The following PDE4D variants were observed in gnomAD, a reference collection of about 807,000 sequenced individuals.
The protein encoded by PDE4D is 3',5'-cyclic-AMP phosphodiesterase 4D.
A neutral mutation model predicts 87.4 loss-of-function variants in PDE4D; 24 were observed. The observed-to-expected ratio is 0.27, with a 90% CI of 0.20 to 0.39. The LOEUF is 0.39. PDE4D is among the 10% of genes least tolerant of loss of function. PDE4D has a pLI of 1.00. For synonymous variants in PDE4D, 384 were observed against 383.2 expected, an observed-to-expected ratio of 1.00 and a Z score of -0.02; for missense variants, 714 against 1,041.0, an observed-to-expected ratio of 0.69 and a Z score of 4.32.
At chr5:59,484,786 G>C (rs1034082628) in intron 1 of PDE4D, among the ~76,000 whole-genome samples, 1 of 152,188 alleles carries the variant, frequency 6.6e-6, no homozygotes, top group Non-Finnish European at 1.5e-5. Context: ...GACAGTAACT[G>C]TCTGGCTCTA....
intron 1 of PDE4D, among the ~76,000 whole-genome samples, chr5:60,237,779 A>G (rs973780860): frequency 2.6e-5 from 4 of 152,102 alleles, no homozygotes; most frequent in African/African-American, 7.2e-5. Context: ...TGTCAAATTC[A>G]TGACTATAAT....
Position 59,520,867 on chromosome 5 carries a change from A to T in PDE4D, c.456-304899T>A, listed in dbSNP as rs532303243. On this transcript the variant is annotated intron_variant, in intron 1 of 14. Transcript: ENST00000340635. ...ATGGAATATGTATATGCACACATACACACACACATATACATATATACACAT... is the reference window on the plus strand; with the variant it reads ...ATGGAATATGTATATGCACACATACTCACACACATATACATATATACACAT... Among the ~76,000 whole-genome samples the T allele has an allele frequency of 1.2e-3, 185 of 149,302 alleles. 1 individual carries two copies. Among genetic ancestry groups the T allele is most frequent in the South Asian group, 9.2e-3 (44 of 4,806 alleles).
intron 1 of PDE4D, among the ~76,000 whole-genome samples, chr5:59,540,893 A>G (rs1173785293): frequency 6.6e-6 from 1 of 152,160 alleles, no homozygotes; most frequent in Non-Finnish European, 1.5e-5. Flanking sequence ...AGAGCAAGTT[A>G]AAAATCCAGT....
chr5:59,291,738 GT>G (rs57769300), intron 1 of PDE4D, among the ~76,000 whole-genome samples: 26,484 of 125,232 alleles, frequency 0.21, 2,329 homozygotes, highest in South Asian at 0.26. Context: ...GTAAAAAGAA[GT>G]TTTTTTTTTT....
chr5:59,859,543 T>C (rs1354976014), intron 1 of PDE4D, among the ~76,000 whole-genome samples: 3 of 152,202 alleles, frequency 2.0e-5, no homozygotes, highest in African/African-American at 4.8e-5. Context: ...CTTTATAAGG[T>C]AAGATTATTC....
intron 1 of PDE4D, among the ~76,000 whole-genome samples, chr5:59,670,872 G>A (rs1229852776): frequency 6.6e-6 from 1 of 151,634 alleles, no homozygotes; most frequent in Admixed American, 6.6e-5. Context: ...GTCTTGCTGT[G>A]TTACCCAGGC....
At chr5:59,270,953 C>G (rs887080112) in intron 1 of PDE4D, among the ~76,000 whole-genome samples, 1 of 151,920 alleles carries the variant, frequency 6.6e-6, no homozygotes, top group African/African-American at 2.4e-5. Context: ...GTAATAAGAA[C>G]TAAATAATAT....
chr5:59,951,284 G>T (rs1354114417), intron 3 of PDE4D, among the ~76,000 whole-genome samples: 3 of 151,932 alleles, frequency 2.0e-5, no homozygotes, highest in Non-Finnish European at 4.4e-5. Context: ...TAATGCAAAG[G>T]GATTGAATTT....
chr5:59,873,365 G>A (rs1285265840), intron 1 of PDE4D, among the ~76,000 whole-genome samples: 3 of 152,176 alleles, frequency 2.0e-5, no homozygotes, highest in Admixed American at 6.5e-5. Flanking sequence ...TTTTGGGGCT[G>A]TAATTGTTTG....
rs192153811 is a variant in PDE4D at position 59,368,812 on chromosome 5, T to C, written c.456-152844A>G. Among the ~76,000 whole-genome samples, 301 of 152,322 alleles carry C rather than the reference T, an allele frequency of 2.0e-3. 4 individuals carry two copies. The highest frequency in any genetic ancestry group is 6.8e-3 in the African/African-American group (284 of 41,576). On this transcript the variant is annotated intron_variant, in intron 1 of 14. Transcript: ENST00000340635. Reference sequence around the variant, plus strand: ...TGTCAGTGTCTGTGCTATGTATTTATTGAGGAGCTCATTCATTGCTACTCA... The same window carrying C: ...TGTCAGTGTCTGTGCTATGTATTTACTGAGGAGCTCATTCATTGCTACTCA...
At chr5:59,424,904 T>C (rs1030772671) in intron 1 of PDE4D, among the ~76,000 whole-genome samples, 3 of 152,186 alleles carry the variant, frequency 2.0e-5, no homozygotes, top group African/African-American at 7.2e-5. Context: ...GGATGGTCGC[T>C]TAATATATGT....
chr5:59,270,851 C>T (rs927247201), intron 1 of PDE4D, among the ~76,000 whole-genome samples: 2 of 152,082 alleles, frequency 1.3e-5, no homozygotes, highest in African/African-American at 4.8e-5. Flanking sequence ...CTTGGGTTAC[C>T]CCAGCCTATG....
At chr5:60,003,904 G>A (rs1764241890) in intron 2 of PDE4D, among the ~76,000 whole-genome samples, 2 of 151,958 alleles carry the variant, frequency 1.3e-5, no homozygotes, top group Admixed American at 6.6e-5. Flanking sequence ...TCTTTGACAA[G>A]GGCATGAATA....
chr5:59,723,066 T>C (rs1166955019), intron 1 of PDE4D, among the ~76,000 whole-genome samples: 1 of 152,086 alleles, frequency 6.6e-6, no homozygotes, highest in East Asian at 1.9e-4. Flanking sequence ...CACCTCTGTG[T>C]CAAATACAGA....
chr5:60,227,824 G>A (rs889718583), intron 1 of PDE4D, among the ~76,000 whole-genome samples: 1 of 152,030 alleles, frequency 6.6e-6, no homozygotes, highest in Non-Finnish European at 1.5e-5. Flanking sequence ...ATATTTCAGT[G>A]CTATTCTATT....
At chr5:60,052,643 C>T (rs1349111653) in intron 2 of PDE4D, among the ~76,000 whole-genome samples, 1 of 152,128 alleles carries the variant, frequency 6.6e-6, no homozygotes, top group Non-Finnish European at 1.5e-5. Flanking sequence ...CAAGGATGTC[C>T]TCTCTCACCA....
intron 5 of PDE4D, among the ~76,000 whole-genome samples, chr5:59,161,529 G>A (rs1211397434): frequency 1.3e-5 from 2 of 152,190 alleles, no homozygotes; most frequent in African/African-American, 4.8e-5. Flanking sequence ...AGGCTTCCAA[G>A]AAAAGAGATC....
intron 1 of PDE4D, among the ~76,000 whole-genome samples, chr5:59,444,857 A>G (rs1316857000): frequency 6.6e-6 from 1 of 152,096 alleles, no homozygotes; most frequent in Non-Finnish European, 1.5e-5. Context: ...TCCCCTCCCT[A>G]CATATTGCCA....
chr5:59,338,688 T>G (rs1413789550), intron 1 of PDE4D, among the ~76,000 whole-genome samples: 1 of 152,324 alleles, frequency 6.6e-6, no homozygotes, highest in Non-Finnish European at 1.5e-5. Flanking sequence ...GTTAGGGCAC[T>G]AGCAGAACTC....
Sources: allele counts gnomAD v4.1 joint callset (sites outside exome capture counted in the v4.1 genomes callset), GRCh38; gene constraint gnomAD v4.1.1; transcripts MANE v1.5; gene names NCBI Gene and HGNC (gene_info 2026-07-23, HGNC 2026-07-21).